Variants in CALN1 observed in about 807,000 individuals in gnomAD.
CALN1 encodes the protein calneuron 1.
Under a neutral mutation model 30.6 loss-of-function variants are expected in CALN1, and 17 were observed. The observed-to-expected ratio is 0.56, with a 90% CI of 0.38 to 0.83. CALN1 has a LOEUF of 0.83. CALN1 is among the 40% of genes least tolerant of loss of function. CALN1 has a pLI of 0.00. For synonymous variants in CALN1, 156 were observed against 131.4 expected (o/e 1.19, Z -1.28); for missense variants, 291 against 354.9 (o/e 0.82, Z 1.45).
At chr7:72,087,807 C>T (rs969088855) in intron 4 of CALN1, among the ~76,000 whole-genome samples, 1 of 151,876 alleles carries the variant, frequency 6.6e-6, no homozygotes, top group Admixed American at 6.6e-5. Context: ...ATATGTGGAG[C>T]AAAAGCAAAA....
At chr7:72,128,148 A>G (rs1183285836) in intron 3 of CALN1, among the ~76,000 whole-genome samples, 2 of 152,230 alleles carry the variant, frequency 1.3e-5, no homozygotes, top group African/African-American at 4.8e-5. Context: ...AAAAGAAGAG[A>G]TACATATTAA....
chr7:72,339,972 A>G (rs758989388), intron 2 of CALN1, among the ~76,000 whole-genome samples: 16 of 152,108 alleles, frequency 1.1e-4, no homozygotes, highest in African/African-American at 1.7e-4. Flanking sequence ...ATCATTCCCT[A>G]TAGAATCTAA....
At chr7:72,300,633 G>T (rs1799191546) in intron 2 of CALN1, among the ~76,000 whole-genome samples, 1 of 152,096 alleles carries the variant, frequency 6.6e-6, no homozygotes, top group Non-Finnish European at 1.5e-5. Context: ...TCATGATATA[G>T]GGAACAAAAT....
At chr7:71,922,881 T>C (rs1000475934) in intron 5 of CALN1, among the ~76,000 whole-genome samples, 1 of 97,558 alleles carries the variant, frequency 1.0e-5, no homozygotes, top group Non-Finnish European at 2.1e-5. Context: ...TATATAAACA[T>C]ATATATTAAT....
chr7:72,475,521 G>C, the CALN1 span, among the ~76,000 whole-genome samples: 3 of 152,182 alleles, frequency 2.0e-5, no homozygotes, highest in Non-Finnish European at 4.4e-5. Flanking sequence ...CAGCCAGAAA[G>C]TGGCCAAGGC....
At chr7:72,263,421 G>C (rs1357689834) in intron 3 of CALN1, among the ~76,000 whole-genome samples, 2 of 151,492 alleles carry the variant, frequency 1.3e-5, no homozygotes, top group Non-Finnish European at 2.9e-5. Context: ...TTTTAACCAG[G>C]GACTCACTCT....
chr7:71,902,540 G>GA (rs745432088), intron 5 of CALN1, among the ~76,000 whole-genome samples: 2 of 152,082 alleles, frequency 1.3e-5, no homozygotes, highest in Non-Finnish European at 2.9e-5. Flanking sequence ...CTGTTGGTGG[G>GA]AATCTAAATT....
chr7:71,790,058 C>T (rs1793230377), intron 6 of CALN1, among the ~76,000 whole-genome samples: 1 of 151,414 alleles, frequency 6.6e-6, no homozygotes, highest in South Asian at 2.1e-4. Context: ...GAGCTGTGGT[C>T]ACACCACTGT....
intron 6 of CALN1, among the ~76,000 whole-genome samples, chr7:71,798,095 GAGAGACAGAGAGAGACAGAGAC>G (rs869172305): frequency 1.1e-5 from 1 of 92,838 alleles, no homozygotes. Context: ...GAGACAGAGA[GAGAGACAGAGAGAGACAGAGAC>G]AGAGACAGAG....
chr7:72,266,910 G>T (rs2129553174), intron 3 of CALN1, among the ~76,000 whole-genome samples: 1 of 152,300 alleles, frequency 6.6e-6, no homozygotes, highest in Admixed American at 6.5e-5. Context: ...GGCAGGTCAA[G>T]CCTCCAGGAG....
chr7:72,501,443 AGAG>A, the CALN1 span, among the ~76,000 whole-genome samples: 4 of 142,684 alleles, frequency 2.8e-5, no homozygotes, highest in Non-Finnish European at 4.6e-5. Flanking sequence ...AGAAGAAAAA[AGAG>A]GAAGAGGAAA....
chr7:71,878,245 G>T (rs1792362251), intron 5 of CALN1, among the ~76,000 whole-genome samples: 1 of 152,036 alleles, frequency 6.6e-6, no homozygotes, highest in Admixed American at 6.6e-5. Flanking sequence ...ATAAAAGTTT[G>T]TATAATGTGG....
intron 4 of CALN1, among the ~76,000 whole-genome samples, chr7:72,076,547 G>A (rs1328517867): frequency 2.3e-5 from 3 of 129,480 alleles, no homozygotes; most frequent in Admixed American, 9.3e-5. Context: ...ACAGTCAGCC[G>A]AGATCACGCC....
At chr7:72,278,589 A>C in intron 3 of CALN1, 97 bp downstream of exon 3, 1 of 1,517,880 alleles carries the variant, frequency 6.6e-7, no homozygotes. Context: ...ACTGCCAAGG[A>C]GTGGCCAAAG....
At position 71,872,930 on chromosome 7, in the gene CALN1, T is replaced by C. The variant is rs181564253; in HGVS notation, c.502-62438A>G. On this transcript the variant is annotated intron_variant, in intron 5 of 6. Coordinates refer to ENST00000395275, the MANE Select transcript of CALN1 (RefSeq NM_031468.4). ...CGCCCGGCCGTGCTTTATTTTTCCA[T>C]GGAAATGACTGGGTAAGGTTTGAAG... Among the ~76,000 whole-genome samples, 257 of 151,564 alleles carry C rather than the reference T, an allele frequency of 1.7e-3. 1 individual carries two copies. The highest frequency in any genetic ancestry group is 6.0e-3 in the African/African-American group (247 of 41,304).
At chr7:72,013,398 C>A (rs1431161693) in intron 5 of CALN1, among the ~76,000 whole-genome samples, 1 of 151,648 alleles carries the variant, frequency 6.6e-6, no homozygotes, top group Non-Finnish European at 1.5e-5. Context: ...ACCACAGGTG[C>A]ATGACACCAC....
At chr7:71,881,062 G>A (rs188767883) in intron 5 of CALN1, among the ~76,000 whole-genome samples, 1 of 152,206 alleles carries the variant, frequency 6.6e-6, no homozygotes, top group Non-Finnish European at 1.5e-5. Context: ...GACATGGAAG[G>A]ACTTGACTTG....
chr7:72,476,558 C>G, the CALN1 span, among the ~76,000 whole-genome samples: 27 of 152,158 alleles, frequency 1.8e-4, no homozygotes, highest in Non-Finnish European at 3.4e-4. Context: ...CTCTTAGGAC[C>G]TCCAAAATAG....
At chr7:71,958,690 G>C (rs16869597) in intron 5 of CALN1, among the ~76,000 whole-genome samples, 8 of 152,218 alleles carry the variant, frequency 5.3e-5, no homozygotes, top group Admixed American at 2.0e-4. Flanking sequence ...ACACACTTCC[G>C]GACAACTTGC....
Sources: gnomAD v4.1 joint callset for allele counts (sites outside exome capture counted in the v4.1 genomes callset) on GRCh38, gnomAD v4.1.1 for gene constraint, MANE v1.5 for transcripts, NCBI Gene and HGNC (gene_info 2026-07-23, HGNC 2026-07-21) for gene names.